CFAP54: variants seen among roughly 807,000 people sequenced by gnomAD.
CFAP54 encodes cilia- and flagella-associated protein 54.
In CFAP54, 290 loss-of-function variants were observed where a neutral mutation model predicts 370.4. That is an observed-to-expected ratio of 0.78 (90% confidence interval 0.71 to 0.86). CFAP54 has a LOEUF of 0.86. Among genes scored for constraint, CFAP54 ranks in the 40% least tolerant of loss-of-function variants. The pLI, the probability that CFAP54 is intolerant of heterozygous loss-of-function variation, is 0.00. For missense variants in CFAP54, 3,399 were observed against 3,528.7 expected (o/e 0.96, Z 0.93); for synonymous variants, 1,206 against 1,236.5 (o/e 0.98, Z 0.52).
chr12:96,525,258 C>T lies in CFAP54; in HGVS notation c.1159-1988C>T, dbSNP rs1449514189. ...CTTTCATTGTGTGAATTATTTTTCA[C>T]AGTCTTTGACCATTTATTTACTAGG... On this transcript the variant is annotated intron_variant, in intron 8 of 67. Transcript: ENST00000524981. Among the ~76,000 whole-genome samples, 4 of 151,684 alleles carry T rather than the reference C, an allele frequency of 2.6e-5. No individual in the cohort carries two copies. The East Asian group carries it at 7.7e-4, about 29-fold the overall frequency.
At chr12:96,754,148 A>C (rs150494125) in intron 56 of CFAP54, among the ~76,000 whole-genome samples, 8 of 152,336 alleles carry the variant, frequency 5.3e-5, no homozygotes, top group Non-Finnish European at 1.0e-4. Flanking sequence ...TTCTTCTTAC[A>C]CAAAGTTTCA....
chr12:96,505,914 G>A (rs1955094793), intron 3 of CFAP54, among the ~76,000 whole-genome samples: 1 of 152,138 alleles, frequency 6.6e-6, no homozygotes, highest in African/African-American at 2.4e-5. Flanking sequence ...TCATCCTAGA[G>A]TCTCTGTTGC....
intron 63 of CFAP54, among the ~76,000 whole-genome samples, chr12:96,810,401 G>A (rs1958918925): frequency 6.6e-6 from 1 of 151,986 alleles, no homozygotes; most frequent in African/African-American, 2.4e-5. Flanking sequence ...AGTTTACTTT[G>A]TGAGGAAGCA....
At chr12:96,643,194 A>G (rs1956752970) in intron 32 of CFAP54, among the ~76,000 whole-genome samples, 1 of 152,200 alleles carries the variant, frequency 6.6e-6, no homozygotes, top group Admixed American at 6.5e-5. Flanking sequence ...AAAACCAACT[A>G]AACAATGACA....
At chr12:96,528,484 T>C (rs1955406885) in intron 9 of CFAP54, among the ~76,000 whole-genome samples, 1 of 152,190 alleles carries the variant, frequency 6.6e-6, no homozygotes, top group African/African-American at 2.4e-5. Context: ...GCCCTCTTTC[T>C]CCATTATCTG....
intron 60 of CFAP54, among the ~76,000 whole-genome samples, chr12:96,779,107 C>CAAAA (rs35990040): frequency 1.9e-5 from 2 of 103,850 alleles, no homozygotes; most frequent in African/African-American, 3.5e-5. Flanking sequence ...ATCTCCATCT[C>CAAAA]AAAAAAAAAA....
At chr12:96,832,037 C>G (rs1334781246) in intron 66 of CFAP54, among the ~76,000 whole-genome samples, 1 of 152,002 alleles carries the variant, frequency 6.6e-6, no homozygotes, top group African/African-American at 2.4e-5. Context: ...TGAGAGGAAC[C>G]CAGTGGGAGG....
At chr12:96,557,488 A>G (rs1376582879) in intron 17 of CFAP54, among the ~76,000 whole-genome samples, 1 of 152,192 alleles carries the variant, frequency 6.6e-6, no homozygotes, top group East Asian at 1.9e-4. Flanking sequence ...AGATAGAAGG[A>G]TGCTTGTAGA....
rs190833913 is a variant in CFAP54 at position 96,533,282 on chromosome 12, A to G, written c.1358-510A>G. ...AGCCTGGCTAGTCCTTTTCTTCTTT[A>G]CTTTCTGTATCTATGTGTTACTGTT... On this transcript the variant is annotated intron_variant, in intron 9 of 67. Transcript: ENST00000524981. Among the ~76,000 whole-genome samples, 20 of 151,890 alleles carry G rather than the reference A, an allele frequency of 1.3e-4. No individual in the cohort carries two copies. In the East Asian group the frequency reaches 3.9e-3, roughly 29 times the overall value.
chr12:96,596,964 T>C (rs1956186583), intron 25 of CFAP54, among the ~76,000 whole-genome samples: 1 of 152,014 alleles, frequency 6.6e-6, no homozygotes, highest in Non-Finnish European at 1.5e-5. Flanking sequence ...AAATTAACAA[T>C]GTAATATCAC....
intron 19 of CFAP54, among the ~76,000 whole-genome samples, chr12:96,572,592 A>G (rs1410956881): frequency 2.0e-5 from 3 of 152,162 alleles, no homozygotes; most frequent in Non-Finnish European, 4.4e-5. Flanking sequence ...CAAGTATTAG[A>G]GGAGGCATTG....
rs1959710646 is a variant in CFAP54, at chr12:96,856,588, T to C, written c.9172-4231T>C. Among the ~76,000 whole-genome samples, 7 of 151,718 alleles carry C rather than the reference T, an allele frequency of 4.6e-5. No homozygotes were observed. The South Asian group carries it at 1.4e-3, about 31-fold the overall frequency. ...TTTGCTCCAGTTCCCAACAAGTCCC[T>C]CATCTCCATCTGAGACCACCTCATC... On this transcript the variant is annotated intron_variant, in intron 66 of 67. Coordinates refer to ENST00000524981, the MANE Select transcript of CFAP54 (RefSeq NM_001306084.2).
chr12:96,646,115 T>C (rs1238736884), intron 33 of CFAP54: 3 of 151,964 alleles, frequency 2.0e-5, no homozygotes, highest in East Asian at 3.9e-4. Context: ...CTAATTAAAC[T>C]AAAGAGCTTC....
chr12:96,580,840 G>C (rs991750448), intron 21 of CFAP54, 80 bp from the exon 22 acceptor site: 1 of 1,179,824 alleles, frequency 8.5e-7, no homozygotes, highest in Non-Finnish European at 1.1e-6. Context: ...TTTTTTAATA[G>C]AAGGTTTACT....
intron 66 of CFAP54, among the ~76,000 whole-genome samples, chr12:96,843,409 G>A (rs574479141): frequency 1.2e-4 from 18 of 152,244 alleles, no homozygotes; most frequent in Admixed American, 7.8e-4. Context: ...AATCCCTGAC[G>A]TTTAAATGGA....
chr12:96,664,273 T>G (rs1957031285), intron 39 of CFAP54, among the ~76,000 whole-genome samples: 1 of 152,092 alleles, frequency 6.6e-6, no homozygotes, highest in Admixed American at 6.6e-5. Context: ...TTTTTCCTGA[T>G]CCTCTCCATC....
At chr12:96,636,015 A>G (rs1565922668) in intron 32 of CFAP54, among the ~76,000 whole-genome samples, 1 of 152,252 alleles carries the variant, frequency 6.6e-6, no homozygotes, top group East Asian at 1.9e-4. Flanking sequence ...GGTGGGGCTG[A>G]AAGGTCTCAC....
chr12:96,816,940 T>G (rs1051459368), intron 64 of CFAP54, among the ~76,000 whole-genome samples: 2 of 152,230 alleles, frequency 1.3e-5, no homozygotes, highest in African/African-American at 4.8e-5. Flanking sequence ...CCATTTTTCT[T>G]GATTCTTCTC....
chr12:96,708,575 A>G, intron 47 of CFAP54, 33 bp from the exon 48 acceptor site: 1 of 1,523,994 alleles, frequency 6.6e-7, no homozygotes, highest in Non-Finnish European at 8.9e-7. Context: ...GTATTTTTCT[A>G]ATTTGCTCTT....
Sources: allele counts gnomAD v4.1 joint callset (sites outside exome capture counted in the v4.1 genomes callset), GRCh38; gene constraint gnomAD v4.1.1; transcripts MANE v1.5; gene names NCBI Gene and HGNC (gene_info 2026-07-23, HGNC 2026-07-21).